The following ELAPOR2 variants were observed in gnomAD, a reference collection of about 807,000 sequenced individuals.
The protein encoded by ELAPOR2 is endosome-lysosome associated apoptosis and autophagy regulator family member 2, also known as endosome/lysosome-associated apoptosis and autophagy regulator family member 2.
In ELAPOR2, 89 loss-of-function variants were observed where a neutral mutation model predicts 120.7. The observed-to-expected ratio is 0.74, with a 90% CI of 0.62 to 0.88. The LOEUF (loss-of-function observed/expected upper bound fraction) is 0.88, where lower values mean the gene tolerates loss of function less well. Ranked by LOEUF, ELAPOR2 falls within the 40% of genes least tolerant of loss-of-function variation. The pLI is 0.00. For synonymous variants in ELAPOR2, 444 were observed against 444.9 expected, an observed-to-expected ratio of 1.00 and a Z score of 0.03; for missense variants, 1,134 against 1,251.6, an observed-to-expected ratio of 0.91 and a Z score of 1.42.
chr7:86,970,892 T>G (rs1246274007), intron 1 of ELAPOR2, among the ~76,000 whole-genome samples: 2 of 152,196 alleles, frequency 1.3e-5, no homozygotes, highest in Admixed American at 1.3e-4. Flanking sequence ...TGTCTATCTT[T>G]GTAAACAGGT....
chr7:87,007,139 A>T (rs1401110108), intron 1 of ELAPOR2, among the ~76,000 whole-genome samples: 1 of 152,206 alleles, frequency 6.6e-6, no homozygotes, highest in African/African-American at 2.4e-5. Context: ...AGATATGTGC[A>T]TGTGTCAAAG....
rs1356879941 is a variant in ELAPOR2, at chr7:86,912,219, G to A, written c.2022C>T (p.Cys674=). ...NQDHSVCYSD[C]FFYHEKENQS... is the part of the protein sequence containing the mutation. Reference sequence around the variant, plus strand: ...GATTTTCTTTTTCATGGTAGAAAAAGCAGTCACTATAGCAAACCGAATGGT... The same window carrying A: ...GATTTTCTTTTTCATGGTAGAAAAAACAGTCACTATAGCAAACCGAATGGT... The change falls in exon 15 of 22, where the codon TGC becomes TGT. Residue 674 remains cysteine, a synonymous_variant. Transcript: ENST00000450689. 2 of 1,606,504 alleles carry A rather than the reference G, an allele frequency of 1.2e-6. No individual in the cohort carries two copies. Among genetic ancestry groups the A allele is most frequent in the Non-Finnish European group, 1.7e-6 (2 of 1,173,814 alleles).
At chr7:86,929,671 C>G (rs1790237131) in intron 8 of ELAPOR2, among the ~76,000 whole-genome samples, 1 of 152,076 alleles carries the variant, frequency 6.6e-6, no homozygotes, top group Non-Finnish European at 1.5e-5. Flanking sequence ...TCTCTTTTCC[C>G]ATGTGTTTAC....
intron 4 of ELAPOR2, among the ~76,000 whole-genome samples, chr7:86,944,496 G>GA (rs914287847): frequency 2.6e-5 from 4 of 151,722 alleles, no homozygotes; most frequent in East Asian, 1.9e-4. Context: ...ATTGCAAAGA[G>GA]AAAAAAAACT....
chr7:87,039,512 A>G (rs1269445854), intron 1 of ELAPOR2, among the ~76,000 whole-genome samples: 1 of 152,218 alleles, frequency 6.6e-6, no homozygotes, highest in African/African-American at 2.4e-5. Flanking sequence ...CCTCAACAAA[A>G]TACTAGCAAA....
intron 1 of ELAPOR2, among the ~76,000 whole-genome samples, chr7:87,028,845 G>A (rs13437686): frequency 2.0e-5 from 3 of 152,138 alleles, no homozygotes; most frequent in African/African-American, 7.2e-5. Context: ...CATGACCCCT[G>A]TGGTCTCAAT....
At chr7:87,024,007 G>A (rs1360004852) in intron 1 of ELAPOR2, among the ~76,000 whole-genome samples, 3 of 152,098 alleles carry the variant, frequency 2.0e-5, no homozygotes, top group Admixed American at 1.3e-4. Context: ...CATGTCATCC[G>A]CAAACAGGGA....
chr7:86,932,793 T>A (rs954175420), intron 8 of ELAPOR2, among the ~76,000 whole-genome samples: 2 of 151,936 alleles, frequency 1.3e-5, no homozygotes, highest in African/African-American at 4.8e-5. Flanking sequence ...AAGCTTGGAT[T>A]TCCCTGGAAA....
chr7:86,893,387 C>T (rs1321325168), intron 19 of ELAPOR2, among the ~76,000 whole-genome samples: 8 of 150,690 alleles, frequency 5.3e-5, no homozygotes, highest in Non-Finnish European at 8.9e-5. Flanking sequence ...GGATGCAGTA[C>T]AGTACATGCC....
At chr7:87,055,397 G>C (rs1020892025) in intron 1 of ELAPOR2, among the ~76,000 whole-genome samples, 1 of 152,140 alleles carries the variant, frequency 6.6e-6, no homozygotes, top group East Asian at 1.9e-4. Context: ...ATGAAGACCA[G>C]CTTCTTAGTG....
rs752270213 is a variant in ELAPOR2, at chr7:86,908,558, A to G, written c.2360-15T>C. 1 of 1,212,214 alleles carries G rather than the reference A, an allele frequency of 8.2e-7. No individual in the cohort carries two copies. Among genetic ancestry groups the G allele is most frequent in the Admixed American group, 2.2e-5 (1 of 45,130 alleles). The allele number at this position is 1,212,214 out of a possible 1,614,324, so 75.1% of individuals were successfully genotyped here. A position where few individuals can be genotyped will look rare whatever the true frequency, so the allele number is the denominator to read the frequency against. On this transcript the variant is annotated splice_polypyrimidine_tract_variant and intron_variant, in intron 16 of 21. Coordinates refer to ENST00000450689, the MANE Select transcript of ELAPOR2 (RefSeq NM_001142749.3). Reference sequence around the variant, plus strand: ...AACTGTGACTCCTAGATGACATTTAAAAAGAAACTATTAAGCAATATGGAA... The same window carrying G: ...AACTGTGACTCCTAGATGACATTTAGAAAGAAACTATTAAGCAATATGGAA...
intron 1 of ELAPOR2, among the ~76,000 whole-genome samples, chr7:86,976,500 C>T (rs957276385): frequency 6.6e-6 from 1 of 152,170 alleles, no homozygotes; most frequent in African/African-American, 2.4e-5. Flanking sequence ...ATATAAACCA[C>T]TATCTGAACT....
At chr7:87,052,927 G>A (rs898601963) in intron 1 of ELAPOR2, among the ~76,000 whole-genome samples, 1 of 152,060 alleles carries the variant, frequency 6.6e-6, no homozygotes, top group African/African-American at 2.4e-5. Context: ...ATCCCAAGTA[G>A]CTGGGACTAC....
At chr7:86,963,939 T>A (rs1755732180) in intron 2 of ELAPOR2, among the ~76,000 whole-genome samples, 1 of 152,226 alleles carries the variant, frequency 6.6e-6, no homozygotes, top group Admixed American at 6.5e-5. Context: ...CAAGAAATAA[T>A]GGTATTTTTC....
At chr7:86,930,874 AC>A (rs1444898562) in intron 8 of ELAPOR2, among the ~76,000 whole-genome samples, 3 of 151,968 alleles carry the variant, frequency 2.0e-5, no homozygotes, top group African/African-American at 7.2e-5. Context: ...TACTTGAAAT[AC>A]CCTATTAAGG....
chr7:87,028,742 A>G (rs1297769889), intron 1 of ELAPOR2, among the ~76,000 whole-genome samples: 3 of 152,070 alleles, frequency 2.0e-5, no homozygotes, highest in Non-Finnish European at 4.4e-5. Flanking sequence ...ATCTGTGCTC[A>G]AAAGCCTCTA....
chr7:86,919,771 A>G (rs1197605950), intron 10 of ELAPOR2: 1 of 153,032 alleles, frequency 6.5e-6, no homozygotes, highest in Non-Finnish European at 1.5e-5. Context: ...TATTTATTCA[A>G]CTAGCATTTA....
At chr7:86,924,440 A>T (rs1789970434) in intron 10 of ELAPOR2, among the ~76,000 whole-genome samples, 1 of 151,112 alleles carries the variant, frequency 6.6e-6, no homozygotes, top group Non-Finnish European at 1.5e-5. Context: ...GTTATTCTAT[A>T]CCCTTGCCTT....
intron 12 of ELAPOR2, among the ~76,000 whole-genome samples, chr7:86,916,232 G>C (rs1036735119): frequency 5.9e-5 from 9 of 152,172 alleles, no homozygotes; most frequent in Admixed American, 2.6e-4. Flanking sequence ...AATTAAAGCA[G>C]GGATTTTTCA....
Sources: allele counts gnomAD v4.1 joint callset (sites outside exome capture counted in the v4.1 genomes callset), GRCh38; gene constraint gnomAD v4.1.1; transcripts MANE v1.5; gene names NCBI Gene and HGNC (gene_info 2026-07-23, HGNC 2026-07-21).